SYNE3: variants seen among roughly 807,000 people sequenced by gnomAD.
SYNE3 encodes the protein nesprin-3.
In SYNE3, 100 loss-of-function variants were observed where a neutral mutation model predicts 111.2. That is an observed-to-expected ratio of 0.90 (90% CI 0.77 to 1.06). The LOEUF (loss-of-function observed/expected upper bound fraction) is 1.06, where lower values mean the gene tolerates loss of function less well. Among genes scored for constraint, SYNE3 ranks in the 50% least tolerant of loss-of-function variants. The probability of loss-of-function intolerance (pLI) is 0.00; values close to 1 mark genes in which losing one functional copy is unlikely to be tolerated. For synonymous variants in SYNE3, 547 were observed against 533.9 expected, an observed-to-expected ratio of 1.02 and a Z score of -0.34; for missense variants, 1,160 against 1,240.3, an observed-to-expected ratio of 0.94 and a Z score of 0.97.
At chr14:95,421,962 C>T (rs757475718) in intron 17 of SYNE3, among the ~76,000 whole-genome samples, 10 of 152,204 alleles carry the variant, frequency 6.6e-5, no homozygotes, top group Non-Finnish European at 1.2e-4. Flanking sequence ...CCTGGCCTTA[C>T]ACATCCTCAG....
chr14:95,444,861 A>G (rs979207271), intron 9 of SYNE3, among the ~76,000 whole-genome samples: 3 of 152,156 alleles, frequency 2.0e-5, no homozygotes, highest in African/African-American at 7.2e-5. Flanking sequence ...AACTGGGGCA[A>G]GCTACACCCC....
In SYNE3 at chr14:95,414,889, T is replaced by A. The variant is rs997128718; in HGVS notation, c.*2937A>T. ...CACCAGTAACTGGGCTGTTACGTTA[T>A]ATTACAAGTATATTTATATGAAAAT... is the stretch of plus-strand genomic sequence containing the variant. On this transcript the variant is annotated 3_prime_UTR_variant, in exon 18 of 18. Coordinates refer to ENST00000682763, the MANE Select transcript of SYNE3 (RefSeq NM_152592.6). The A allele has an allele frequency of 1.3e-5, 2 of 152,210 alleles. No homozygotes were observed. The highest frequency in any genetic ancestry group is 2.9e-5 in the Non-Finnish European group (2 of 68,052). 9.4% of individuals were successfully genotyped at this position (152,210 alleles called of 1,614,324 possible).
At chr14:95,507,763 A>G (rs923234229) in intron 1 of SYNE3, among the ~76,000 whole-genome samples, 41 of 152,226 alleles carry the variant, frequency 2.7e-4, no homozygotes, top group African/African-American at 9.6e-4. Context: ...GGCAACCCCA[A>G]CTGGCTCACA....
intron 1 of SYNE3, among the ~76,000 whole-genome samples, chr14:95,511,555 T>A (rs1221937212): frequency 6.6e-6 from 1 of 151,356 alleles, no homozygotes; most frequent in African/African-American, 2.4e-5. Flanking sequence ...AAAAAAATAA[T>A]AATAATAAAA....
intron 2 of SYNE3, among the ~76,000 whole-genome samples, chr14:95,473,571 C>A (rs190635954): frequency 6.6e-6 from 1 of 152,188 alleles, no homozygotes; most frequent in East Asian, 1.9e-4. Context: ...AAAGGCTTGG[C>A]GGTGGAAGGT....
At chr14:95,467,101 G>T (rs1188485784) in intron 3 of SYNE3, among the ~76,000 whole-genome samples, 6 of 152,186 alleles carry the variant, frequency 3.9e-5, no homozygotes, top group African/African-American at 1.4e-4. Flanking sequence ...CACTGTGTTA[G>T]GAATTTCCAG....
At chr14:95,436,343 A>G (rs1450868529) in intron 15 of SYNE3, among the ~76,000 whole-genome samples, 8 of 152,166 alleles carry the variant, frequency 5.3e-5, no homozygotes, top group Admixed American at 5.2e-4. Flanking sequence ...GCTGTGCCAC[A>G]GGAGTATACG....
At chr14:95,509,153 A>C (rs975077428) in intron 1 of SYNE3, among the ~76,000 whole-genome samples, 6 of 152,212 alleles carry the variant, frequency 3.9e-5, no homozygotes, top group Non-Finnish European at 8.8e-5. Flanking sequence ...GGGAACAGGG[A>C]AACAGAGATC....
chr14:95,465,009 C>A (rs941495390), intron 4 of SYNE3, among the ~76,000 whole-genome samples: 1 of 152,158 alleles, frequency 6.6e-6, no homozygotes, highest in South Asian at 2.1e-4. Context: ...TAATACAGAA[C>A]CAAATAAAAT....
At position 95,415,276 on chromosome 14, in the gene SYNE3, G is replaced by GCCACCCCCCCCC. The variant is rs1903542955; in HGVS notation, c.*2549_*2550insGGGGGGGGGTGG. 1 of 139,614 alleles carries GCCACCCCCCCCC rather than the reference G, an allele frequency of 7.2e-6. No individual in the cohort carries two copies. Among genetic ancestry groups the GCCACCCCCCCCC allele is most frequent in the Non-Finnish European group, 1.5e-5 (1 of 64,614 alleles). 8.6% of individuals were successfully genotyped at this position (139,614 alleles called of 1,614,324 possible). A position where few individuals can be genotyped will look rare whatever the true frequency, so the allele number is the denominator to read the frequency against. On this transcript the variant is annotated 3_prime_UTR_variant, in exon 18 of 18. Transcript: ENST00000682763. The stretch of plus-strand genomic sequence containing the variant: ...CATAGGAAAGTGGACACCTGGCAAG[G>GCCACCCCCCCCC]CCCCCCCACCCACCCACCCTGCCAC...
At chr14:95,439,242 G>C in intron 13 of SYNE3, 80 bp from the exon 14 acceptor site, 1 of 1,589,184 alleles carries the variant, frequency 6.3e-7, no homozygotes, top group Non-Finnish European at 8.6e-7. Context: ...ATAGAATTGG[G>C]GAACCACGGG....
intron 2 of SYNE3, 137 bp downstream of exon 2, chr14:95,475,541 A>T (rs1888828519): frequency 9.7e-7 from 1 of 1,032,590 alleles, no homozygotes; most frequent in African/African-American, 1.6e-5. Context: ...TCTCCAGGAG[A>T]TCTGTGTGCA....
Position 95,421,354 on chromosome 14 carries a change from G to A in SYNE3, c.2728-3328C>T, listed in dbSNP as rs368798904. ...CTTACATGATGAATCTGAGACTCCA[G>A]ATTTCTGGGGATCGCAGGCTAGAGT... On this transcript the variant is annotated intron_variant, in intron 17 of 17. Transcript: ENST00000682763. Among the ~76,000 whole-genome samples, 14 of 152,300 alleles carry A rather than the reference G, an allele frequency of 9.2e-5. No homozygotes were observed. In the East Asian group the frequency reaches 2.3e-3, roughly 25 times the overall value.
chr14:95,468,023 C>A (rs1888302644), intron 2 of SYNE3, 56 bp from the exon 3 acceptor site: 1 of 1,556,012 alleles, frequency 6.4e-7, no homozygotes, highest in African/African-American at 1.4e-5. Flanking sequence ...ACAGGCACAA[C>A]CTTGGGAAGA....
Position 95,439,023 on chromosome 14 carries a change from A to G in SYNE3, c.2376+10T>C. The G allele has an allele frequency of 6.2e-7, 1 of 1,613,792 alleles. No homozygotes were observed. Among genetic ancestry groups the G allele is most frequent in the Non-Finnish European group, 8.5e-7 (1 of 1,179,970 alleles). On this transcript the variant is annotated intron_variant, in intron 14 of 17. Transcript: ENST00000682763. ...GCCCCTTCTCCCACAGCCCTGCTAG[A>G]CAGACTCACGCGTCGACGATGCCTG...
intron 1 of SYNE3, among the ~76,000 whole-genome samples, chr14:95,482,266 T>C (rs1445788399): frequency 1.3e-5 from 2 of 152,150 alleles, no homozygotes; most frequent in East Asian, 3.9e-4. Context: ...AAACCCTGTC[T>C]CTACTAAAAA....
chr14:95,450,926 TG>T (rs1023970555), intron 7 of SYNE3: 2 of 152,200 alleles, frequency 1.3e-5, no homozygotes, highest in African/African-American at 2.4e-5. Context: ...TCATTCAGAC[TG>T]GCCCTCCCAC....
chr14:95,425,540 T>G (rs1335931559), intron 17 of SYNE3, among the ~76,000 whole-genome samples: 1 of 152,232 alleles, frequency 6.6e-6, no homozygotes, highest in Non-Finnish European at 1.5e-5. Context: ...ATTAGACCTT[T>G]GTCCACACCC....
chr14:95,484,483 G>GGGCA (rs927635821), intron 1 of SYNE3, among the ~76,000 whole-genome samples: 29 of 152,320 alleles, frequency 1.9e-4, no homozygotes, highest in South Asian at 4.1e-4. Flanking sequence ...GCCGGTCAGA[G>GGGCA]GGCAGGCAGG....
Sources: allele counts gnomAD v4.1 joint callset (sites outside exome capture counted in the v4.1 genomes callset), GRCh38; gene constraint gnomAD v4.1.1; transcripts MANE v1.5; gene names NCBI Gene and HGNC (gene_info 2026-07-23, HGNC 2026-07-21).